Variants in KANK1 observed in about 807,000 individuals in gnomAD.
KANK1 encodes KN motif and ankyrin repeat domain-containing protein 1.
KANK1 carries 109 observed loss-of-function variants against 106.2 expected under a neutral mutation model. The observed-to-expected ratio is 1.03, with a 90% CI of 0.88 to 1.20. The LOEUF is 1.20. Among genes scored for constraint, KANK1 ranks in the 50% most tolerant of loss-of-function variants. The pLI, the probability that KANK1 is intolerant of heterozygous loss-of-function variation, is 0.00. For synonymous variants in KANK1, 873 were observed against 652.2 expected, an observed-to-expected ratio of 1.34 and a Z score of -5.16; for missense variants, 2,399 against 1,710.7, an observed-to-expected ratio of 1.40 and a Z score of -7.10.
intron 3 of KANK1, among the ~76,000 whole-genome samples, chr9:475,382 C>T (rs1197011690): frequency 6.6e-6 from 1 of 152,224 alleles, no homozygotes; most frequent in African/African-American, 2.4e-5. Context: ...GTATGCCAAC[C>T]TGTAAGACCG....
At chr9:684,641 C>T in intron 2 of KANK1, 1 of 913,442 alleles carries the variant, frequency 1.1e-6, no homozygotes, top group Non-Finnish European at 1.3e-6. Context: ...GGTGGGCTAG[C>T]TGAGCCCATC....
At chr9:524,777 A>G (rs1260332023) in intron 1 of KANK1, among the ~76,000 whole-genome samples, 2 of 151,526 alleles carry the variant, frequency 1.3e-5, no homozygotes, top group African/African-American at 4.9e-5. Flanking sequence ...TTGGTCTTCC[A>G]AAGTGCTGGG....
intron 1 of KANK1, among the ~76,000 whole-genome samples, chr9:576,714 C>A (rs1253427971): frequency 2.6e-5 from 4 of 151,822 alleles, no homozygotes; most frequent in African/African-American, 9.7e-5. Context: ...CTTCCTGGAA[C>A]AGTAATTTTA....
In KANK1 at chr9:510,057, C is replaced by G. The variant is rs181656004; in HGVS notation, c.-84+5303C>G. Among the ~76,000 whole-genome samples, 389 of 152,116 alleles carry G rather than the reference C, an allele frequency of 2.6e-3. 2 individuals are homozygous for G. The highest frequency in any genetic ancestry group is 9.1e-3 in the African/African-American group (378 of 41,468). ...AAACTCCTGGCCTCAAACAATCCTCCCTCCTTGCCCTCCTAAAAGTGCTGG... is the reference window on the plus strand; with the variant it reads ...AAACTCCTGGCCTCAAACAATCCTCGCTCCTTGCCCTCCTAAAAGTGCTGG... On this transcript the variant is annotated intron_variant, in intron 1 of 11. Transcript: ENST00000382297.
chr9:644,072 T>C (rs1349415157), intron 1 of KANK1, among the ~76,000 whole-genome samples: 3 of 150,896 alleles, frequency 2.0e-5, no homozygotes, highest in Non-Finnish European at 4.4e-5. Context: ...AAGCATGATT[T>C]GTTCTTACCA....
chr9:704,787 C>T (rs1393288373), intron 2 of KANK1, among the ~76,000 whole-genome samples: 1 of 151,668 alleles, frequency 6.6e-6, no homozygotes, highest in Admixed American at 6.6e-5. Context: ...TCAAGACCAG[C>T]CTGAGCAAAA....
intron 1 of KANK1, among the ~76,000 whole-genome samples, chr9:623,110 A>G (rs1833537183): frequency 6.6e-6 from 1 of 152,074 alleles, no homozygotes; most frequent in Admixed American, 6.6e-5. Context: ...AACCAACAAA[A>G]TGAAAAGGTA....
intron 2 of KANK1, among the ~76,000 whole-genome samples, chr9:472,407 G>T (rs1368385405): frequency 6.6e-6 from 1 of 152,336 alleles, no homozygotes; most frequent in Admixed American, 6.5e-5. Context: ...ACTTGGGGAG[G>T]TGTCTGCTTC....
chr9:519,903 A>C (rs1354638414), intron 1 of KANK1, among the ~76,000 whole-genome samples: 2 of 151,848 alleles, frequency 1.3e-5, no homozygotes, highest in Non-Finnish European at 2.9e-5. Flanking sequence ...TCCATTGATC[A>C]TTAAAACAGC....
intron 1 of KANK1, among the ~76,000 whole-genome samples, chr9:607,296 G>C (rs912015867): frequency 6.6e-6 from 1 of 151,476 alleles, no homozygotes; most frequent in African/African-American, 2.4e-5. Context: ...GACCAGCCTG[G>C]CCAATATGGT....
intron 10 of KANK1, among the ~76,000 whole-genome samples, chr9:744,266 A>G (rs1589382078): frequency 6.6e-6 from 1 of 152,186 alleles, no homozygotes; most frequent in Non-Finnish European, 1.5e-5. Context: ...GAGTAAGATA[A>G]TCCTCTTAAC....
At position 659,680 on chromosome 9, in the gene KANK1, T is replaced by G. The variant is rs185690086; in HGVS notation, c.-83-17210T>G. On this transcript the variant is annotated intron_variant, in intron 1 of 11. Coordinates refer to ENST00000382297, the MANE Select transcript of KANK1 (RefSeq NM_015158.5). ...GCGAAGGGGAAGGTGGCACGTCCTATGTGGTGGGAGCAGGAGAAAAAGAGG... is the reference window on the plus strand; with the variant it reads ...GCGAAGGGGAAGGTGGCACGTCCTAGGTGGTGGGAGCAGGAGAAAAAGAGG... Among the ~76,000 whole-genome samples, 369 of 151,836 alleles carry G rather than the reference T, an allele frequency of 2.4e-3. 1 individual carries two copies. Among genetic ancestry groups the G allele is most frequent in the African/African-American group, 8.5e-3 (351 of 41,356 alleles).
intron 1 of KANK1, among the ~76,000 whole-genome samples, chr9:571,050 C>G (rs1291728658): frequency 6.6e-6 from 1 of 152,102 alleles, no homozygotes; most frequent in African/African-American, 2.4e-5. Flanking sequence ...TACATTTTGT[C>G]AAATTGATTT....
chr9:480,695 C>T (rs903547218), intron 3 of KANK1, among the ~76,000 whole-genome samples: 1 of 152,218 alleles, frequency 6.6e-6, no homozygotes, highest in Non-Finnish European at 1.5e-5. Context: ...CATACTTCCT[C>T]CTAAGCTCCC....
intron 1 of KANK1, among the ~76,000 whole-genome samples, chr9:526,623 CA>C (rs1386749340): frequency 1.3e-5 from 2 of 151,778 alleles, no homozygotes; most frequent in African/African-American, 4.9e-5. Context: ...TCTCATACTT[CA>C]AAAAGTCAAG....
chr9:588,169 A>AT (rs1414886580), intron 1 of KANK1, among the ~76,000 whole-genome samples: 1 of 152,076 alleles, frequency 6.6e-6, no homozygotes, highest in Non-Finnish European at 1.5e-5. Flanking sequence ...ACCAAAGCCC[A>AT]TATCAGTGGG....
chr9:661,057 A>G (rs10815440), intron 1 of KANK1, among the ~76,000 whole-genome samples: 127,475 of 152,058 alleles, frequency 0.84, 53,607 homozygotes, highest in East Asian at 0.97. Flanking sequence ...AATTTCATGG[A>G]AAGTAACCAA....
intron 1 of KANK1, among the ~76,000 whole-genome samples, chr9:523,419 C>T (rs1025300288): frequency 1.3e-5 from 2 of 151,784 alleles, no homozygotes; most frequent in African/African-American, 2.4e-5. Flanking sequence ...TCAATTACTG[C>T]ACTAGCCTGA....
intron 1 of KANK1, among the ~76,000 whole-genome samples, chr9:644,448 G>C (rs910032069): frequency 6.6e-6 from 1 of 150,990 alleles, no homozygotes; most frequent in Non-Finnish European, 1.5e-5. Context: ...CCGCAGGCCA[G>C]GAAGCATGGT....
Sources: allele counts gnomAD v4.1 joint callset (sites outside exome capture counted in the v4.1 genomes callset), GRCh38; gene constraint gnomAD v4.1.1; transcripts MANE v1.5; gene names NCBI Gene and HGNC (gene_info 2026-07-23, HGNC 2026-07-21).